The following ARSB variants were observed in gnomAD, a reference collection of about 807,000 sequenced individuals.
ARSB encodes arylsulfatase B.
A neutral mutation model predicts 50.9 loss-of-function variants in ARSB; 41 were observed. That is an observed-to-expected ratio of 0.81 (90% CI 0.63 to 1.04). The LOEUF (loss-of-function observed/expected upper bound fraction) is 1.04. Ranked by LOEUF, ARSB falls within the 50% of genes least tolerant of loss-of-function variation. ARSB has a pLI of 0.00. For missense variants in ARSB, 672 were observed against 693.3 expected (o/e 0.97, Z 0.35); for synonymous variants, 269 against 284.8 (o/e 0.94, Z 0.56).
At chr5:78,985,472 T>G, upstream of ARSB, 1 of 301,136 alleles carries the variant, frequency 3.3e-6, no homozygotes, top group East Asian at 6.0e-5. Context: ...GGGCGCCCGC[T>G]GCCCGGCTTC....
intron 1 of ARSB, 108 bp from the exon 2 acceptor site, chr5:78,969,300 T>A: frequency 8.3e-7 from 1 of 1,208,032 alleles, no homozygotes; most frequent in Non-Finnish European, 1.2e-6. Flanking sequence ...CTTGGATGTT[T>A]AACTCTATTC....
At position 78,814,462 on chromosome 5, in the gene ARSB, C is replaced by T. The variant is rs143255600; in HGVS notation, c.1213+24894G>A. On this transcript the variant is annotated intron_variant, in intron 6 of 7. Transcript: ENST00000264914. ...CAGTCTTTCCCTAAGTCTCTCACCACATAAAGCTACTGCGCCTTTATTTAC... is the reference window on the plus strand; with the variant it reads ...CAGTCTTTCCCTAAGTCTCTCACCATATAAAGCTACTGCGCCTTTATTTAC... Among the ~76,000 whole-genome samples the T allele has an allele frequency of 4.6e-3, 697 of 151,076 alleles. 39 individuals are homozygous for T. The highest frequency in any genetic ancestry group is 0.016 in the East Asian group (81 of 5,146).
At chr5:78,910,671 C>T (rs1225506115) in intron 4 of ARSB, among the ~76,000 whole-genome samples, 1 of 152,100 alleles carries the variant, frequency 6.6e-6, no homozygotes, top group East Asian at 1.9e-4. Context: ...TATTTCTAGA[C>T]CAAGTAAGTT....
At chr5:78,844,914 A>C (rs954547322) in intron 5 of ARSB, among the ~76,000 whole-genome samples, 4 of 152,080 alleles carry the variant, frequency 2.6e-5, no homozygotes, top group African/African-American at 9.7e-5. Context: ...GTAACTTTTC[A>C]AAAATATACA....
intron 4 of ARSB, among the ~76,000 whole-genome samples, chr5:78,923,296 G>A (rs1172060945): frequency 6.6e-6 from 1 of 152,198 alleles, no homozygotes; most frequent in Non-Finnish European, 1.5e-5. Flanking sequence ...GAGTAAGTGT[G>A]GCCCCATGGG....
At chr5:78,865,215 C>T (rs1218423502) in intron 5 of ARSB, among the ~76,000 whole-genome samples, 1 of 152,230 alleles carries the variant, frequency 6.6e-6, no homozygotes, top group Non-Finnish European at 1.5e-5. Flanking sequence ...CCTGGGCATC[C>T]AGGCATTTCC....
chr5:78,798,015 G>C (rs1303277111), intron 6 of ARSB, among the ~76,000 whole-genome samples: 1 of 152,184 alleles, frequency 6.6e-6, no homozygotes, highest in East Asian at 1.9e-4. Flanking sequence ...ATGTCAAAGA[G>C]AGGGAAAGTA....
At chr5:78,875,289 G>A (rs990428275) in intron 5 of ARSB, among the ~76,000 whole-genome samples, 6 of 152,024 alleles carry the variant, frequency 3.9e-5, no homozygotes, top group African/African-American at 1.4e-4. Flanking sequence ...ATCACCATTT[G>A]CACCATTCCC....
Position 78,780,676 on chromosome 5 carries a change from C to G in ARSB, c.1337-14G>C, listed in dbSNP as rs764359687. 2.5e-5 allele frequency: 40 copies of G among 1,613,780 alleles called. No individual in the cohort carries two copies. Among genetic ancestry groups the G allele is most frequent in the Middle Eastern group, 3.3e-4 (2 of 6,056 alleles). On this transcript the variant is annotated splice_polypyrimidine_tract_variant and intron_variant, in intron 7 of 7. Transcript: ENST00000264914. ...AGTAACCACAGCCTAGCAAAGAAAA[C>G]AAAACAGTTTACTGAGGGAGAAGCA...
intron 6 of ARSB, among the ~76,000 whole-genome samples, chr5:78,791,265 G>A (rs1749228977): frequency 1.3e-5 from 2 of 152,142 alleles, no homozygotes; most frequent in Admixed American, 6.5e-5. Flanking sequence ...TAATGTACAG[G>A]CAAGATTTAG....
At chr5:78,985,342 C>G (rs958818168), upstream of ARSB, 1 of 1,162,356 alleles carries the variant, frequency 8.6e-7, no homozygotes, top group South Asian at 4.4e-5. Flanking sequence ...CTGCTCCGCC[C>G]CGGCGCGGGA....
chr5:78,848,087 C>T (rs1165939539), intron 5 of ARSB, among the ~76,000 whole-genome samples: 1 of 150,232 alleles, frequency 6.7e-6, no homozygotes, highest in Non-Finnish European at 1.5e-5. Context: ...TATTATTATA[C>T]TTTAAGTTTT....
chr5:78,798,928 T>C (rs1003428526), intron 6 of ARSB, among the ~76,000 whole-genome samples: 2 of 152,204 alleles, frequency 1.3e-5, no homozygotes, highest in African/African-American at 2.4e-5. Context: ...GTCACTGACA[T>C]GAGGGCCACT....
At chr5:78,951,339 T>C (rs1751487483) in intron 4 of ARSB, among the ~76,000 whole-genome samples, 1 of 152,004 alleles carries the variant, frequency 6.6e-6, no homozygotes, top group South Asian at 2.1e-4. Flanking sequence ...TACTATACTA[T>C]ACTAACAAGC....
At chr5:78,976,850 A>T (rs1156772574) in intron 1 of ARSB, among the ~76,000 whole-genome samples, 7 of 152,170 alleles carry the variant, frequency 4.6e-5, no homozygotes, top group African/African-American at 1.7e-4. Context: ...CATTAAACCC[A>T]GGGAGACCCA....
intron 3 of ARSB, among the ~76,000 whole-genome samples, chr5:78,960,370 GA>G (rs3839269): frequency 0.27 from 40,317 of 150,392 alleles, 6,651 homozygotes; most frequent in African/African-American, 0.47. Context: ...AAGTATAAAT[GA>G]AAAAAAAAGC....
intron 5 of ARSB, among the ~76,000 whole-genome samples, chr5:78,840,061 A>G (rs1745132342): frequency 6.6e-6 from 1 of 152,240 alleles, no homozygotes; most frequent in Admixed American, 6.5e-5. Context: ...TGATGAAGGT[A>G]CATAGTAAGT....
chr5:78,871,210 G>T (rs1382755005), intron 5 of ARSB, among the ~76,000 whole-genome samples: 1 of 151,686 alleles, frequency 6.6e-6, no homozygotes, highest in Non-Finnish European at 1.5e-5. Flanking sequence ...TGGGTAGGAA[G>T]AATCAATATC....
rs542459364 is a variant in ARSB, at chr5:78,915,199, C to G, written c.899-29372G>C. 1.2e-3 allele frequency among the ~76,000 whole-genome samples: 187 copies of G among 152,088 alleles called. 1 individual carries two copies. Among genetic ancestry groups the G allele is most frequent in the Non-Finnish European group, 2.2e-3 (151 of 68,022 alleles). Reference sequence around the variant, plus strand: ...TGCTTCCCAGTCATTTCCTGGATACCTTTTTGAGTTATTTGATAATTACTT... The same window carrying G: ...TGCTTCCCAGTCATTTCCTGGATACGTTTTTGAGTTATTTGATAATTACTT... On this transcript the variant is annotated intron_variant, in intron 4 of 7. Coordinates refer to ENST00000264914, the MANE Select transcript of ARSB (RefSeq NM_000046.5).
Sources: gnomAD v4.1 joint callset for allele counts (sites outside exome capture counted in the v4.1 genomes callset) on GRCh38, gnomAD v4.1.1 for gene constraint, MANE v1.5 for transcripts, NCBI Gene and HGNC (gene_info 2026-07-23, HGNC 2026-07-21) for gene names.